CEP85L: variants seen among roughly 807,000 people sequenced by gnomAD.
The protein encoded by CEP85L is centrosomal protein of 85 kDa-like.
In CEP85L, 60 loss-of-function variants were observed where a neutral mutation model predicts 100.3. That is an observed-to-expected ratio of 0.60 (90% CI 0.49 to 0.74). The LOEUF is 0.74. Among genes scored for constraint, CEP85L ranks in the 30% least tolerant of loss-of-function variants. The pLI is 0.00. For synonymous variants in CEP85L, 319 were observed against 322.7 expected (o/e 0.99, Z 0.12); for missense variants, 973 against 936.2 (o/e 1.04, Z -0.51).
chr6:118,564,558 T>G (rs1353573417), intron 3 of CEP85L, among the ~76,000 whole-genome samples: 2 of 152,230 alleles, frequency 1.3e-5, no homozygotes, highest in African/African-American at 4.8e-5. Flanking sequence ...TTAAGGGTTC[T>G]CCTATGAATG....
chr6:118,694,544 G>C (rs532261851), intron 1 of CEP85L, among the ~76,000 whole-genome samples: 2 of 152,152 alleles, frequency 1.3e-5, no homozygotes, highest in South Asian at 4.1e-4. Context: ...TGATTTTTTA[G>C]AAAAATTTTA....
In CEP85L at chr6:118,635,304, T is replaced by C. The variant is rs551732069; in HGVS notation, c.74-2693A>G. On this transcript the variant is annotated intron_variant, in intron 1 of 12. Transcript: ENST00000368491. ...ACCTATTTTTTAACATGGAAGAACA[T>C]CCAGAATATATCTAGTGTGTATGGA... 2.6e-5 allele frequency among the ~76,000 whole-genome samples: 4 copies of C among 152,264 alleles called. No homozygotes were observed. The East Asian group carries it at 7.7e-4, about 29-fold the overall frequency.
chr6:118,573,545 T>C (rs1239969696), intron 2 of CEP85L, among the ~76,000 whole-genome samples: 2 of 152,072 alleles, frequency 1.3e-5, no homozygotes, highest in African/African-American at 4.8e-5. Flanking sequence ...ATAAAAACAA[T>C]ATCTAACATG....
intron 1 of CEP85L, among the ~76,000 whole-genome samples, chr6:118,646,101 C>T (rs1775168813): frequency 1.3e-5 from 2 of 152,338 alleles, no homozygotes; most frequent in South Asian, 4.1e-4. Flanking sequence ...CCCGTAGTCC[C>T]AGCTACTCGG....
chr6:118,651,144 G>A, intron 1 of CEP85L, 53 bp downstream of exon 1: 1 of 1,458,590 alleles, frequency 6.9e-7, no homozygotes, highest in Non-Finnish European at 9.0e-7. Context: ...GTCCCGAGGC[G>A]CCGCGGTCGG....
At chr6:118,599,298 G>A (rs926963304) in intron 2 of CEP85L, among the ~76,000 whole-genome samples, 1 of 152,178 alleles carries the variant, frequency 6.6e-6, no homozygotes, top group African/African-American at 2.4e-5. Context: ...ACAAAAGGAT[G>A]GCAGGGTGGT....
chr6:118,601,525 T>C (rs1216587774), intron 2 of CEP85L, among the ~76,000 whole-genome samples: 1 of 152,262 alleles, frequency 6.6e-6, no homozygotes, highest in East Asian at 1.9e-4. Context: ...TGAAATGATA[T>C]ACATGAATAT....
chr6:118,490,541 T>A (rs921054707), intron 6 of CEP85L, among the ~76,000 whole-genome samples: 3 of 152,296 alleles, frequency 2.0e-5, no homozygotes, highest in Admixed American at 1.3e-4. Context: ...TAGTTTCTTG[T>A]AAGTTAAATA....
chr6:118,477,066 T>C (rs932599510), intron 10 of CEP85L, among the ~76,000 whole-genome samples: 7 of 152,048 alleles, frequency 4.6e-5, no homozygotes, highest in Non-Finnish European at 8.8e-5. Flanking sequence ...AGCAACATTC[T>C]ACCGCAAAAT....
At chr6:118,482,032 TAAAAA>T (rs35791512) in intron 7 of CEP85L, 99 bp from the exon 8 acceptor site, 1,528 of 353,832 alleles carry the variant, frequency 4.3e-3, no homozygotes, top group Non-Finnish European at 4.7e-3. Context: ...GACTTGTAGC[TAAAAA>T]AAAAAAAAAA....
upstream of CEP85L, among the ~76,000 whole-genome samples, chr6:118,652,993 A>G (rs536672162): frequency 6.9e-4 from 105 of 152,302 alleles, no homozygotes; most frequent in Admixed American, 3.0e-3. Context: ...TGTAGTTACC[A>G]CAGTCTCAGG....
At chr6:118,610,478 G>C (rs913200282) in intron 2 of CEP85L, among the ~76,000 whole-genome samples, 2 of 152,112 alleles carry the variant, frequency 1.3e-5, no homozygotes, top group Non-Finnish European at 2.9e-5. Context: ...AGAGACTGAG[G>C]ACTTTCACCA....
chr6:118,699,540 A>G (rs1300345470), intron 1 of CEP85L, among the ~76,000 whole-genome samples: 2 of 151,712 alleles, frequency 1.3e-5, no homozygotes, highest in Non-Finnish European at 2.9e-5. Context: ...AGTATTTTCC[A>G]TTATTCAACT....
upstream of CEP85L, chr6:118,652,599 C>A: frequency 6.7e-7 from 1 of 1,496,476 alleles, no homozygotes; most frequent in Non-Finnish European, 8.9e-7. Flanking sequence ...CTAACAAAGG[C>A]CTCATATTTG....
chr6:118,623,287 A>G (rs1286105347), intron 2 of CEP85L, among the ~76,000 whole-genome samples: 1 of 152,158 alleles, frequency 6.6e-6, no homozygotes, highest in Admixed American at 6.5e-5. Context: ...GTTAAACTTC[A>G]CCCACATGCC....
intron 2 of CEP85L, among the ~76,000 whole-genome samples, chr6:118,569,298 T>C (rs1779731601): frequency 1.5e-5 from 2 of 130,574 alleles, no homozygotes; most frequent in Admixed American, 1.9e-4. Context: ...GCAGAGATTG[T>C]GCCACTGTAC....
intron 2 of CEP85L, among the ~76,000 whole-genome samples, chr6:118,608,321 C>T (rs1772376881): frequency 6.6e-6 from 1 of 152,046 alleles, no homozygotes; most frequent in Non-Finnish European, 1.5e-5. Flanking sequence ...CGGTGAAACC[C>T]CATCTCTACT....
At chr6:118,594,881 C>CA (rs34433072) in intron 2 of CEP85L, among the ~76,000 whole-genome samples, 12,879 of 134,768 alleles carry the variant, frequency 0.096, 722 homozygotes, top group African/African-American at 0.16. Context: ...CAAAACAAAA[C>CA]AAAAAAAAAA....
At chr6:118,614,966 T>C (rs1772931555) in intron 2 of CEP85L, among the ~76,000 whole-genome samples, 1 of 152,250 alleles carries the variant, frequency 6.6e-6, no homozygotes, top group South Asian at 2.1e-4. Flanking sequence ...CTTATTTCTG[T>C]GTTCTATGTC....
Sources: allele counts gnomAD v4.1 joint callset (sites outside exome capture counted in the v4.1 genomes callset), GRCh38; gene constraint gnomAD v4.1.1; transcripts MANE v1.5; gene names NCBI Gene and HGNC (gene_info 2026-07-23, HGNC 2026-07-21).